The following GDF1 variants were observed in gnomAD, a reference collection of about 807,000 sequenced individuals.
GDF1 encodes embryonic growth/differentiation factor 1.
GDF1 carries 8 observed loss-of-function variants against 7.4 expected under a neutral mutation model. The observed-to-expected ratio is 1.09, with a 90% CI of 0.64 to 1.96. The LOEUF (loss-of-function observed/expected upper bound fraction) is 1.96. Among genes scored for constraint, GDF1 ranks in the 30% most tolerant of loss-of-function variants. GDF1 has a pLI of 0.00. For synonymous variants in GDF1, 311 were observed against 276.7 expected (o/e 1.12, Z -1.23); for missense variants, 574 against 551.5 (o/e 1.04, Z -0.41).
chr19:18,889,453 G>GT (rs1374602344), intron 2 of GDF1, among the ~76,000 whole-genome samples: 1 of 152,022 alleles, frequency 6.6e-6, no homozygotes, highest in African/African-American at 2.4e-5. Flanking sequence ...GCCTCACTCT[G>GT]TCAACCTGGC....
At chr19:18,880,030 C>T (rs1263451075) in intron 4 of GDF1, among the ~76,000 whole-genome samples, 3 of 151,722 alleles carry the variant, frequency 2.0e-5, no homozygotes, top group Non-Finnish European at 4.4e-5. Flanking sequence ...ACCCACCTCA[C>T]CTGGCTTATC....
intron 3 of GDF1, among the ~76,000 whole-genome samples, chr19:18,881,261 C>T (rs2056200034): frequency 6.6e-6 from 1 of 151,258 alleles, no homozygotes; most frequent in Non-Finnish European, 1.5e-5. Flanking sequence ...CTCTTGTTGC[C>T]CAGGCTGGAG....
At chr19:18,892,492 T>G (rs1175869195) in intron 2 of GDF1, among the ~76,000 whole-genome samples, 1 of 151,974 alleles carries the variant, frequency 6.6e-6, no homozygotes, top group African/African-American at 2.4e-5. Flanking sequence ...CGGGCGCCTG[T>G]GGTCCCAGCT....
At chr19:18,879,473 C>T (rs561480826) in intron 4 of GDF1, 85 bp from the exon 5 acceptor site, 1 of 1,471,406 alleles carries the variant, frequency 6.8e-7, no homozygotes, top group Admixed American at 2.1e-5. Context: ...TAGACCCACC[C>T]TTGCCCCCTT....
chr19:18,875,351 G>C (rs2056042413), intron 6 of GDF1, among the ~76,000 whole-genome samples: 1 of 151,940 alleles, frequency 6.6e-6, no homozygotes, highest in Non-Finnish European at 1.5e-5. Context: ...TTCAAGACCA[G>C]CCTGGCCAAC....
chr19:18,887,252 C>G (rs932092592), intron 2 of GDF1, among the ~76,000 whole-genome samples: 2 of 152,184 alleles, frequency 1.3e-5, no homozygotes, highest in Non-Finnish European at 2.9e-5. Context: ...AAGCCAAACA[C>G]AAAAGGTCAC....
intron 2 of GDF1, among the ~76,000 whole-genome samples, chr19:18,885,172 G>T (rs550037090): frequency 6.6e-6 from 1 of 152,220 alleles, no homozygotes; most frequent in East Asian, 1.9e-4. Context: ...AACTAATATA[G>T]ACACATTATT....
In GDF1 at chr19:18,879,043, C is replaced by T. The variant is rs755673028; in HGVS notation, c.-422-4G>A. 7.4e-6 allele frequency: 12 copies of T among 1,612,948 alleles called. No individual in the cohort carries two copies. Among genetic ancestry groups the T allele is most frequent in the African/African-American group, 2.7e-5 (2 of 74,900 alleles). ...TGGCTGCAAACGCCACGATGTACTG[C>T]GAGAGGGGAGGGGAGGTGCCAGTGA... On this transcript the variant is annotated splice_polypyrimidine_tract_variant and splice_region_variant and intron_variant, in intron 5 of 7. Coordinates refer to ENST00000247005, the MANE Select transcript of GDF1 (RefSeq NM_001492.6).
chr19:18,880,435 C>A lies in GDF1; in HGVS notation c.-732G>T. The A allele has an allele frequency of 6.3e-7, 1 of 1,579,634 alleles. No homozygotes were observed. The highest frequency in any genetic ancestry group is 8.6e-7 in the Non-Finnish European group (1 of 1,160,230). ...GCACAAGGATGCCCACATTGTGGTA[C>A]CTGGGGGAGCAGCAGGCAGAGAGGA... On this transcript the variant is annotated splice_region_variant and 5_prime_UTR_variant, in exon 4 of 8. Coordinates refer to ENST00000247005, the MANE Select transcript of GDF1 (RefSeq NM_001492.6).
chr19:18,878,612 C>T lies in GDF1; in HGVS notation c.-313+318G>A. 2.6e-6 allele frequency: 3 copies of T among 1,168,114 alleles called. No homozygotes were observed. Among genetic ancestry groups the T allele is most frequent in the Non-Finnish European group, 3.2e-6 (3 of 937,974 alleles). The allele number at this position is 1,168,114 out of a possible 1,614,324, so 72.4% of individuals were successfully genotyped here. A position where few individuals can be genotyped will look rare whatever the true frequency, so the allele number is the denominator to read the frequency against. On this transcript the variant is annotated intron_variant, in intron 6 of 7. Coordinates refer to ENST00000247005, the MANE Select transcript of GDF1 (RefSeq NM_001492.6). The surrounding 1 kb of genome is among the most constrained non-coding windows in gnomAD (Gnocchi z 4.6). ...AGGCTGGCCAGCAACTACTCCTCAC[C>T]ACCCACAGGGCCCTGGCTCGCCACT... is the stretch of plus-strand genomic sequence containing the variant.
chr19:18,889,501 C>T (rs1211267507), intron 2 of GDF1, among the ~76,000 whole-genome samples: 4 of 152,296 alleles, frequency 2.6e-5, no homozygotes, highest in South Asian at 2.1e-4. Context: ...ACTGCAGCCT[C>T]GACCTCCCGG....
At chr19:18,886,654 T>C (rs1348899343) in intron 2 of GDF1, among the ~76,000 whole-genome samples, 1 of 152,208 alleles carries the variant, frequency 6.6e-6, no homozygotes, top group Non-Finnish European at 1.5e-5. Context: ...CTCCCTGTTC[T>C]CTGGCCACTC....
rs762497401 is a variant in GDF1 at position 18,870,001 on chromosome 19, G to A, written c.307C>T (p.Arg103Cys). The A allele has an allele frequency of 3.1e-6, 5 of 1,595,570 alleles. No individual in the cohort carries two copies. The highest frequency in any genetic ancestry group is 4.3e-6 in the Non-Finnish European group (5 of 1,172,740). ...EELGVAGNIVRHIPDRGAPTR... is the reference protein window; with the variant it reads ...EELGVAGNIVCHIPDRGAPTR... ...CACTCACCGCGGTCCGGGATGTGGCGCACGATGTTTCCGGCGACCCCCAGC... is the reference window on the plus strand; with the variant it reads ...CACTCACCGCGGTCCGGGATGTGGCACACGATGTTTCCGGCGACCCCCAGC... The change falls in exon 7 of 8, where the codon CGC becomes TGC. Residue 103 changes from arginine to cysteine, a missense_variant. Coordinates refer to ENST00000247005, the MANE Select transcript of GDF1 (RefSeq NM_001492.6). This position sits in a 1 kb window ranked among gnomAD's most constrained non-coding sequence, Gnocchi z 5.1.
intron 6 of GDF1, among the ~76,000 whole-genome samples, chr19:18,874,960 C>A (rs983479155): frequency 2.0e-5 from 3 of 152,162 alleles, no homozygotes; most frequent in Non-Finnish European, 4.4e-5. Context: ...CGGAACCAGG[C>A]AAAGTGGCTC....
Position 18,868,974 on chromosome 19 carries a change from G to C in GDF1, c.742C>G (p.Leu248Val), listed in dbSNP as rs2145985553. 8.7e-7 allele frequency: 1 copy of C among 1,147,704 alleles called. No homozygotes were observed. Among genetic ancestry groups the C allele is most frequent in the East Asian group, 5.1e-5 (1 of 19,700 alleles). The allele number at this position is 1,147,704 out of a possible 1,614,324, so 71.1% of individuals were successfully genotyped here. ...TCGGCGTCGCGCCGCGGCCGGGCCA[G>C]GGGGTGGCACAGGCGCGGGTCGAGG... The part of the protein sequence containing the change: ...VTLDPRLCHP[L>V]ARPRRDAEPV... The change falls in exon 8 of 8, where the codon CTG becomes GTG. Residue 248 changes from leucine (L) to valine (V), a missense_variant. Coordinates refer to ENST00000247005, the MANE Select transcript of GDF1 (RefSeq NM_001492.6).
chr19:18,895,303 A>G lies in GDF1; in HGVS notation c.-1074+521T>C, dbSNP rs1258913854. On this transcript the variant is annotated intron_variant, in intron 1 of 7. Transcript: ENST00000247005. This position sits in a 1 kb window ranked among gnomAD's most constrained non-coding sequence, Gnocchi z 6.4. ...CGCACGGACCCAGCAGAAAACGGGC[A>G]GCGGACCTCGCTCCGGGCCGGGGCG... Among the ~76,000 whole-genome samples, 3 of 152,184 alleles carry G rather than the reference A, an allele frequency of 2.0e-5. No individual in the cohort carries two copies. The highest frequency in any genetic ancestry group is 6.5e-5 in the Admixed American group (1 of 15,282).
At chr19:18,884,968 G>A (rs531559646) in intron 2 of GDF1, among the ~76,000 whole-genome samples, 107 of 151,726 alleles carry the variant, frequency 7.1e-4, no homozygotes, top group Middle Eastern at 6.8e-3. Flanking sequence ...CACCTGCCTC[G>A]GCCTCCCAAA....
Position 18,868,845 on chromosome 19 carries a change from A to G in GDF1, c.871T>C (p.Phe291Leu). ...WHRWVIAPRG[F>L]LANYCQGQCA... ...TGACCCTGGCAGTAGTTGGCCAGGA[A>G]GCCGCGCGGCGCGATGACCCAGCGG... The change falls in exon 8 of 8, where the codon TTC (phenylalanine) becomes CTC (leucine). Residue 291 changes from phenylalanine (F) to leucine (L), a missense_variant. By Grantham distance (22) the Phe-to-Leu change is conservative. Transcript: ENST00000247005. 6.9e-7 allele frequency: 1 copy of G among 1,449,992 alleles called. No individual in the cohort carries two copies. Among genetic ancestry groups the G allele is most frequent in the South Asian group, 1.2e-5 (1 of 81,224 alleles). The allele number at this position is 1,449,992 out of a possible 1,614,324, so 89.8% of individuals were successfully genotyped here. A position where few individuals can be genotyped will look rare whatever the true frequency, so the allele number is the denominator to read the frequency against.
chr19:18,889,514 T>G (rs968647131), intron 2 of GDF1, among the ~76,000 whole-genome samples: 8 of 152,174 alleles, frequency 5.3e-5, no homozygotes, highest in Non-Finnish European at 1.0e-4. Context: ...CCTCCCGGGC[T>G]CAAGCCTCAG....
Sources: gnomAD v4.1 joint callset for allele counts (sites outside exome capture counted in the v4.1 genomes callset) on GRCh38, gnomAD v4.1.1 for gene constraint, Gnocchi (gnomAD v3.1) non-coding constraint, MANE v1.5 for transcripts, NCBI Gene and HGNC (gene_info 2026-07-23, HGNC 2026-07-21) for gene names.